Variants in TNRC6C observed in about 807,000 individuals in gnomAD.
The protein encoded by TNRC6C is trinucleotide repeat-containing gene 6C protein.
In TNRC6C, 20 loss-of-function variants were observed where a neutral mutation model predicts 153.7. The observed-to-expected ratio is 0.13, with a 90% CI of 0.09 to 0.19. The LOEUF (loss-of-function observed/expected upper bound fraction) is 0.19. TNRC6C is among the 10% of genes least tolerant of loss of function. The probability of loss-of-function intolerance (pLI) is 1.00; values close to 1 mark genes in which losing one functional copy is unlikely to be tolerated. For missense variants in TNRC6C, 1,987 were observed against 2,172.0 expected (o/e 0.91, Z 1.69); for synonymous variants, 811 against 841.4 (o/e 0.96, Z 0.63).
intron 1 of TNRC6C, among the ~76,000 whole-genome samples, chr17:77,993,818 A>G (rs2071287553): frequency 6.6e-6 from 1 of 152,174 alleles, no homozygotes; most frequent in South Asian, 2.1e-4. Flanking sequence ...AATGTGAAAT[A>G]TTGACAAGCT....
chr17:78,029,813 AC>A (rs2072026407), intron 1 of TNRC6C, among the ~76,000 whole-genome samples: 1 of 134,824 alleles, frequency 7.4e-6, no homozygotes, highest in South Asian at 2.3e-4. Flanking sequence ...ACCTAGACAC[AC>A]ACACACACAC....
intron 9 of TNRC6C, 46 bp downstream of exon 11, chr17:78,077,380 C>T (rs745313659): frequency 6.4e-7 from 1 of 1,551,168 alleles, no homozygotes; most frequent in East Asian, 2.4e-5. Flanking sequence ...GTTTTACCTG[C>T]CTTCTAAAAA....
At chr17:78,020,838 C>G (rs978859877) in intron 1 of TNRC6C, among the ~76,000 whole-genome samples, 1 of 152,162 alleles carries the variant, frequency 6.6e-6, no homozygotes, top group East Asian at 1.9e-4. Context: ...CCTCAAGGCT[C>G]AATAGCCACA....
At position 78,075,209 on chromosome 17, in the gene TNRC6C, C is replaced by G; in HGVS notation, c.2991C>G (p.Ala997=). The G allele has an allele frequency of 6.3e-7, 1 of 1,598,452 alleles. No individual in the cohort carries two copies. The highest frequency in any genetic ancestry group is 1.1e-5 in the South Asian group (1 of 88,770). ...TGACCGACCATAATGGAATGGCCGCCAAGCCCCTCGGCTGCCGCCCGCCAA... is the reference window on the plus strand; with the variant it reads ...TGACCGACCATAATGGAATGGCCGCGAAGCCCCTCGGCTGCCGCCCGCCAA... Residue 997 remains alanine, a synonymous_variant, in exon 8 of 20, where the codon GCC becomes GCG. Transcript: ENST00000301624. This position sits in a 1 kb window ranked among gnomAD's most constrained non-coding sequence, Gnocchi z 4.2.
intron 2 of TNRC6C, among the ~76,000 whole-genome samples, chr17:78,033,764 T>C (rs1282028888): frequency 6.6e-6 from 1 of 152,116 alleles, no homozygotes; most frequent in Non-Finnish European, 1.5e-5. Flanking sequence ...TGAAAACATC[T>C]CAAAAAATTG....
chr17:78,067,677 C>G, intron 4 of TNRC6C, 80 bp from the exon 7 acceptor site: 1 of 1,430,124 alleles, frequency 7.0e-7, no homozygotes, highest in Non-Finnish European at 9.3e-7. Flanking sequence ...TCCCACGACC[C>G]CTAAATTATA....
chr17:78,039,118 C>G (rs576403022), intron 2 of TNRC6C, among the ~76,000 whole-genome samples: 2 of 152,296 alleles, frequency 1.3e-5, no homozygotes, highest in Non-Finnish European at 2.9e-5. Context: ...TGGAACGTGT[C>G]GAGAGGCAGT....
exon 16 of TNRC6C, chr17:78,093,671 A>G: frequency 1.9e-6 from 3 of 1,614,016 alleles, no homozygotes; most frequent in Non-Finnish European, 2.5e-6. Flanking sequence ...GACCCTGAGA[A>G]TGACCCTGAC....
At chr17:78,071,202 T>C (rs748584714) in intron 6 of TNRC6C, 37 bp downstream of exon 8, 22 of 1,563,334 alleles carry the variant, frequency 1.4e-5, no homozygotes, top group Admixed American at 1.9e-5. Flanking sequence ...CCCACCATGC[T>C]TCCCAAAATG....
chr17:78,031,001 A>G lies in TNRC6C; in HGVS notation c.-545-515A>G, dbSNP rs574914803. ...GTAATCCCAGCTACTCTGGAGGCTG[A>G]GGCAGGAAGATCACTTGAATCCGGG... On this transcript the variant is annotated intron_variant, in intron 1 of 19. Transcript: ENST00000301624. Among the ~76,000 whole-genome samples the G allele has an allele frequency of 1.5e-3, 230 of 152,236 alleles. 2 individuals are homozygous for G. The highest frequency in any genetic ancestry group is 0.013 in the South Asian group (61 of 4,824).
At chr17:78,090,446 A>G (rs2144544521) in intron 13 of TNRC6C, among the ~76,000 whole-genome samples, 1 of 152,308 alleles carries the variant, frequency 6.6e-6, no homozygotes, top group Middle Eastern at 3.4e-3. Flanking sequence ...GTGCTTACGT[A>G]CCGTGTGGCG....
At chr17:78,055,489 C>G (rs980566246) in intron 3 of TNRC6C, among the ~76,000 whole-genome samples, 2 of 152,214 alleles carry the variant, frequency 1.3e-5, no homozygotes, top group Admixed American at 1.3e-4. Flanking sequence ...GGAATGCATT[C>G]CGCTACATTA....
intron 1 of TNRC6C, among the ~76,000 whole-genome samples, chr17:77,994,428 A>T (rs2071297128): frequency 6.6e-6 from 1 of 152,118 alleles, no homozygotes; most frequent in South Asian, 2.1e-4. Flanking sequence ...TGCTCTCCCA[A>T]ATTAAAATCC....
In TNRC6C at chr17:78,104,533, A is replaced by G. The variant is rs2073654796; in HGVS notation, c.4761A>G (p.Glu1587=). The change falls in exon 20 of 20, where the codon GAA becomes GAG. Residue 1587 remains glutamate (E), a synonymous_variant. Transcript: ENST00000301624. The surrounding 1 kb of genome is among the most constrained non-coding windows in gnomAD (Gnocchi z 6.2). ...TCCTGGCCGAGTTCGCTGGTGAAGA[A>G]GAAGTGAATCGCTTCTTAGCCCAAG... 1.3e-6 allele frequency: 2 copies of G among 1,538,726 alleles called. No homozygotes were observed. The highest frequency in any genetic ancestry group is 1.8e-6 in the Non-Finnish European group (2 of 1,139,120).
chr17:77,958,242 A>C (rs2070825201), upstream of TNRC6C, among the ~76,000 whole-genome samples: 2 of 151,888 alleles, frequency 1.3e-5, no homozygotes, highest in Admixed American at 1.3e-4. Flanking sequence ...CCGGACGCGC[A>C]GAACCGGATC....
chr17:78,053,407 A>C (rs934750431), intron 3 of TNRC6C, among the ~76,000 whole-genome samples: 1 of 152,182 alleles, frequency 6.6e-6, no homozygotes, highest in African/African-American at 2.4e-5. Flanking sequence ...AGGCGGGCAG[A>C]TCATCTGAGG....
intron 3 of TNRC6C, among the ~76,000 whole-genome samples, chr17:78,059,570 G>A (rs915591046): frequency 1.3e-5 from 2 of 152,152 alleles, no homozygotes; most frequent in East Asian, 1.9e-4. Flanking sequence ...GTGTGAGGCC[G>A]GACACAGTGG....
intron 1 of TNRC6C, among the ~76,000 whole-genome samples, chr17:77,986,145 A>C (rs1276327890): frequency 2.0e-5 from 3 of 152,202 alleles, no homozygotes; most frequent in Non-Finnish European, 4.4e-5. Context: ...GGCTGGGCAC[A>C]GTGGCTCACA....
At chr17:78,092,858 A>T (rs2073417513) in intron 14 of TNRC6C, 75 bp from the exon 17 acceptor site, 1 of 1,327,530 alleles carries the variant, frequency 7.5e-7, no homozygotes. Context: ...GTACATAGGG[A>T]GGCTTAGGGT....
Sources: gnomAD v4.1 joint callset for allele counts (sites outside exome capture counted in the v4.1 genomes callset) on GRCh38, gnomAD v4.1.1 for gene constraint, Gnocchi (gnomAD v3.1) non-coding constraint, MANE v1.5 for transcripts, NCBI Gene and HGNC (gene_info 2026-07-23, HGNC 2026-07-21) for gene names.